Variants in TIAM1 observed in about 807,000 individuals in gnomAD.
TIAM1 encodes the protein rho guanine nucleotide exchange factor TIAM1.
A neutral mutation model predicts 163.5 loss-of-function variants in TIAM1; 65 were observed. The ratio of observed to expected loss-of-function variants is 0.40; its 90% CI spans 0.33 to 0.49. TIAM1 has a LOEUF of 0.49. Among genes scored for constraint, TIAM1 ranks in the 20% least tolerant of loss-of-function variants. The pLI, the probability that TIAM1 is intolerant of heterozygous loss-of-function variation, is 0.77. For synonymous variants in TIAM1, 833 were observed against 810.1 expected (o/e 1.03, Z -0.48); for missense variants, 1,789 against 2,044.7 (o/e 0.87, Z 2.41).
intron 8 of TIAM1, among the ~76,000 whole-genome samples, chr21:31,222,708 T>TATATATATATATATA (rs1491474690): frequency 1.0e-4 from 3 of 29,564 alleles, no homozygotes; most frequent in Admixed American, 1.3e-3. Context: ...TATATATATA[T>TATATATATATATATA]TTTTTTTTTT....
intron 15 of TIAM1, among the ~76,000 whole-genome samples, chr21:31,176,871 C>G (rs968702556): frequency 1.3e-5 from 2 of 151,964 alleles, no homozygotes; most frequent in African/African-American, 4.8e-5. Context: ...AGACCCAGAC[C>G]CCATCCCACA....
chr21:31,328,837 G>A (rs1175114724), intron 2 of TIAM1, among the ~76,000 whole-genome samples: 1 of 151,814 alleles, frequency 6.6e-6, no homozygotes, highest in Non-Finnish European at 1.5e-5. Flanking sequence ...GTAGAGATGG[G>A]GTCTCGCTAT....
chr21:31,399,550 G>A (rs2147215421), intron 2 of TIAM1, among the ~76,000 whole-genome samples: 1 of 152,254 alleles, frequency 6.6e-6, no homozygotes, highest in Admixed American at 6.5e-5. Context: ...TGCCCCAAAA[G>A]TTTCTATTGC....
At chr21:31,170,894 G>A (rs2084473178) in intron 15 of TIAM1, among the ~76,000 whole-genome samples, 1 of 151,622 alleles carries the variant, frequency 6.6e-6, no homozygotes, top group African/African-American at 2.4e-5. Context: ...AAATTAGCCG[G>A]GCATGGTGGC....
At chr21:31,193,761 A>C (rs879350864) in intron 13 of TIAM1, among the ~76,000 whole-genome samples, 4 of 152,300 alleles carry the variant, frequency 2.6e-5, no homozygotes, top group South Asian at 4.2e-4. Flanking sequence ...ACACACAGAC[A>C]AGCAAGCTGG....
chr21:31,337,750 G>A (rs980625627), intron 2 of TIAM1, among the ~76,000 whole-genome samples: 6 of 151,816 alleles, frequency 4.0e-5, no homozygotes, highest in African/African-American at 1.2e-4. Flanking sequence ...AGACTGGCTC[G>A]GACTCTTGAC....
At chr21:31,542,464 GT>G (rs2123279895) in intron 1 of TIAM1, among the ~76,000 whole-genome samples, 1 of 151,752 alleles carries the variant, frequency 6.6e-6, no homozygotes, top group South Asian at 2.1e-4. Context: ...GTACAGCATT[GT>G]GGGATCATCT....
chr21:31,460,444 T>C (rs955220580), intron 2 of TIAM1, among the ~76,000 whole-genome samples: 38 of 152,068 alleles, frequency 2.5e-4, no homozygotes, highest in Non-Finnish European at 7.4e-5. Flanking sequence ...CTGGCCAACA[T>C]AGTGAAACCC....
intron 19 of TIAM1, among the ~76,000 whole-genome samples, chr21:31,150,032 A>G (rs911789467): frequency 6.6e-6 from 1 of 152,238 alleles, no homozygotes; most frequent in African/African-American, 2.4e-5. Flanking sequence ...ATATGGATAC[A>G]TATACACATA....
intron 2 of TIAM1, among the ~76,000 whole-genome samples, chr21:31,327,658 AAAAAG>A: frequency 6.6e-6 from 1 of 150,724 alleles, no homozygotes. Flanking sequence ...AAAAAAAAAA[AAAAAG>A]GAAAGAAAAG....
At chr21:31,472,857 G>T (rs1324440499) in intron 1 of TIAM1, among the ~76,000 whole-genome samples, 1 of 152,248 alleles carries the variant, frequency 6.6e-6, no homozygotes, top group African/African-American at 2.4e-5. Flanking sequence ...TTTGAACAGA[G>T]CTTGGCATGG....
intron 11 of TIAM1, 69 bp from the exon 12 acceptor site, chr21:31,203,081 C>A (rs1014593600): frequency 8.1e-7 from 1 of 1,232,370 alleles, no homozygotes; most frequent in Admixed American, 1.7e-5. Flanking sequence ...TAGTTCTCCA[C>A]CAACATACGA....
chr21:31,202,110 G>C (rs969998416), intron 12 of TIAM1, among the ~76,000 whole-genome samples: 1 of 151,826 alleles, frequency 6.6e-6, no homozygotes, highest in African/African-American at 2.4e-5. Context: ...TATAAATACA[G>C]TTCCAAAAGA....
chr21:31,305,416 T>TAAAAAAAA (rs1242158906), intron 2 of TIAM1, among the ~76,000 whole-genome samples: 10 of 117,872 alleles, frequency 8.5e-5, no homozygotes, highest in African/African-American at 3.4e-4. Flanking sequence ...AACTCTGAAA[T>TAAAAAAAA]AAAAATAAAA....
chr21:31,224,902 CA>C (rs2087850001), intron 7 of TIAM1, among the ~76,000 whole-genome samples: 1 of 152,030 alleles, frequency 6.6e-6, no homozygotes, highest in Admixed American at 6.6e-5. Flanking sequence ...GAATAGCAGG[CA>C]AAAATGTGCT....
intron 1 of TIAM1, among the ~76,000 whole-genome samples, chr21:31,464,658 C>T (rs2045457136): frequency 6.6e-6 from 1 of 151,518 alleles, no homozygotes. Context: ...GCCTGGCCAA[C>T]ATGGTGAAAC....
intron 2 of TIAM1, among the ~76,000 whole-genome samples, chr21:31,461,204 C>T (rs989774696): frequency 6.6e-6 from 1 of 152,046 alleles, no homozygotes; most frequent in African/African-American, 2.4e-5. Flanking sequence ...GAATTTGAGG[C>T]CAGGTGCAGT....
intron 1 of TIAM1, among the ~76,000 whole-genome samples, chr21:31,539,557 G>A (rs1018613739): frequency 7.2e-5 from 11 of 152,072 alleles, no homozygotes; most frequent in Non-Finnish European, 1.6e-4. Context: ...GAGCCACCGC[G>A]CCCGGCCGGA....
intron 2 of TIAM1, among the ~76,000 whole-genome samples, chr21:31,278,169 A>G (rs889254844): frequency 6.6e-6 from 1 of 152,198 alleles, no homozygotes; most frequent in Non-Finnish European, 1.5e-5. Context: ...ATGCTGAAAG[A>G]GAGTAAAACA....
Sources: allele counts gnomAD v4.1 joint callset (sites outside exome capture counted in the v4.1 genomes callset), GRCh38; gene constraint gnomAD v4.1.1; transcripts MANE v1.5; gene names NCBI Gene and HGNC (gene_info 2026-07-23, HGNC 2026-07-21).